KANTR: variants seen among roughly 807,000 people sequenced by gnomAD.
The protein encoded by KANTR is KANTR integral membrane protein.
chrX:53,110,372 C>T (rs1462853917), intron 2 of KANTR, among the ~76,000 whole-genome samples: 1 of 111,420 alleles, frequency 9.0e-6, no homozygotes, highest in African/African-American at 3.3e-5. Flanking sequence ...TTGAATTTTG[C>T]CAAATGCTTT....
chrX:53,109,737 T>C (rs189986791), intron 2 of KANTR, among the ~76,000 whole-genome samples: 9 of 102,244 alleles, frequency 8.8e-5, no homozygotes, highest in African/African-American at 3.1e-4. Context: ...TTATTTGTTC[T>C]AACGGTTTTC....
At chrX:53,097,293 A>G (rs1268021264) in intron 1 of KANTR, among the ~76,000 whole-genome samples, 1 of 102,833 alleles carries the variant, frequency 9.7e-6, no homozygotes, top group African/African-American at 3.6e-5. Context: ...GCTTGCTCCT[A>G]GTTACCCTTT....
At chrX:53,112,447 G>T (rs782608286) in intron 2 of KANTR, among the ~76,000 whole-genome samples, 4 of 112,004 alleles carry the variant, frequency 3.6e-5, no homozygotes, top group Non-Finnish European at 7.5e-5. Context: ...GTGTGCAAGT[G>T]TCTTTTTCGT....
chrX:53,138,292 TC>T (rs1290261734), intron 2 of KANTR, among the ~76,000 whole-genome samples: 1 of 106,861 alleles, frequency 9.4e-6, no homozygotes, highest in Non-Finnish European at 1.9e-5. Context: ...GGTCTTGAAA[TC>T]CCGACCTCAG....
chrX:53,136,371 T>G (rs1214750901), intron 2 of KANTR, among the ~76,000 whole-genome samples: 1 of 108,073 alleles, frequency 9.3e-6, no homozygotes, highest in Non-Finnish European at 1.9e-5. Flanking sequence ...CCCGAGTAGC[T>G]AGGACTACAG....
At chrX:53,147,699 T>C (rs1556819589), downstream of KANTR, among the ~76,000 whole-genome samples, 1 of 110,977 alleles carries the variant, frequency 9.0e-6, no homozygotes, top group Non-Finnish European at 1.9e-5. Context: ...TATTCCAAAA[T>C]TGACCACATA....
chrX:53,110,314 T>C (rs1308518642), intron 2 of KANTR, among the ~76,000 whole-genome samples: 3 of 111,312 alleles, frequency 2.7e-5, no homozygotes, highest in Non-Finnish European at 5.6e-5. Flanking sequence ...TACGTTGAGG[T>C]ACATTTCTCC....
At chrX:53,104,544 A>G (rs1932925020) in intron 2 of KANTR, among the ~76,000 whole-genome samples, 1 of 110,446 alleles carries the variant, frequency 9.1e-6, no homozygotes, top group East Asian at 2.8e-4. Context: ...GAAGCTTCAT[A>G]CTCATTAGCA....
intron 2 of KANTR, among the ~76,000 whole-genome samples, chrX:53,121,092 A>G (rs1335233513): frequency 9.1e-6 from 1 of 110,380 alleles, no homozygotes; most frequent in Non-Finnish European, 1.9e-5. Flanking sequence ...CCCACCTCCC[A>G]GGTTCAAGCA....
At chrX:53,128,973 CATTGTTTGCTTA>C (rs1165956739), downstream of KANTR, among the ~76,000 whole-genome samples, 9 of 110,370 alleles carry the variant, frequency 8.2e-5, no homozygotes, top group Admixed American at 2.9e-4. Flanking sequence ...TTTATGCAAA[CATTGTTTGCTTA>C]AATACTCATT....
chrX:53,144,684 A>G (rs1177315889), downstream of KANTR, among the ~76,000 whole-genome samples: 1 of 111,846 alleles, frequency 8.9e-6, no homozygotes, highest in Non-Finnish European at 1.9e-5. Flanking sequence ...AAAAAAGTCC[A>G]TACATGAGTG....
At chrX:53,108,343 A>G (rs1932980795) in intron 2 of KANTR, among the ~76,000 whole-genome samples, 1 of 109,106 alleles carries the variant, frequency 9.2e-6, no homozygotes, top group Non-Finnish European at 1.9e-5. Flanking sequence ...CTGGGACTAC[A>G]GGTGCATACT....
At chrX:53,143,302 TCTC>T, downstream of KANTR, 5 of 622,834 alleles carry the variant, frequency 8.0e-6, no homozygotes, top group Non-Finnish European at 1.3e-5. Flanking sequence ...TCGCGCACAA[TCTC>T]CTGCTTGGCC....
chrX:53,108,422 G>A (rs782639101), intron 2 of KANTR, among the ~76,000 whole-genome samples: 2 of 109,343 alleles, frequency 1.8e-5, no homozygotes, highest in African/African-American at 6.6e-5. Flanking sequence ...GGCTGGTCTC[G>A]AACTCCTGGC....
exon 3 of KANTR, chrX:53,125,062 A>G (rs1342039771): frequency 1.8e-5 from 2 of 111,777 alleles, no homozygotes; most frequent in African/African-American, 3.2e-5. Context: ...TTGTAATTCT[A>G]TCTCGTTTCT....
intron 2 of KANTR, among the ~76,000 whole-genome samples, chrX:53,100,499 A>G (rs1932881109): frequency 2.4e-5 from 2 of 84,001 alleles, no homozygotes. Flanking sequence ...AAAAGAAAAG[A>G]AAAAAAAGAA....
intron 2 of KANTR, among the ~76,000 whole-genome samples, chrX:53,117,505 G>T (rs940615880): frequency 1.9e-5 from 2 of 107,519 alleles, no homozygotes; most frequent in African/African-American, 6.8e-5. Flanking sequence ...TGATATATGG[G>T]ATTTTTTTTC....
chrX:53,109,589 T>G (rs1231525825), intron 2 of KANTR, among the ~76,000 whole-genome samples: 6 of 111,571 alleles, frequency 5.4e-5, no homozygotes, highest in Non-Finnish European at 1.1e-4. Context: ...CGGTTATTCC[T>G]AAGTATTTTA....
intron 1 of KANTR, among the ~76,000 whole-genome samples, chrX:53,095,734 AGGTAGAGT>A (rs1556810759): frequency 9.0e-6 from 1 of 111,615 alleles, no homozygotes; most frequent in Non-Finnish European, 1.9e-5. Context: ...CAGAAGCCAC[AGGTAGAGT>A]GACACAGTTT....
Sources: allele counts gnomAD v4.1 joint callset (sites outside exome capture counted in the v4.1 genomes callset), GRCh38; gene constraint gnomAD v4.1.1; transcripts MANE v1.5; gene names NCBI Gene and HGNC (gene_info 2026-07-23, HGNC 2026-07-21).